Variants in UNKL observed in about 807,000 individuals in gnomAD.
UNKL encodes the protein unk like zinc finger.
A neutral mutation model predicts 78.0 loss-of-function variants in UNKL; 60 were observed. That is an observed-to-expected ratio of 0.77 (90% confidence interval 0.63 to 0.95). The LOEUF is 0.95. UNKL is among the 40% of genes least tolerant of loss of function. UNKL has a pLI of 0.00. For missense variants in UNKL, 1,159 were observed against 1,045.7 expected, an observed-to-expected ratio of 1.11 and a Z score of -1.49; for synonymous variants, 608 against 474.8, an observed-to-expected ratio of 1.28 and a Z score of -3.65.
At chr16:1,393,305 G>C (rs2037126537) in intron 7 of UNKL, among the ~76,000 whole-genome samples, 1 of 152,198 alleles carries the variant, frequency 6.6e-6, no homozygotes, top group Admixed American at 6.5e-5. Flanking sequence ...TCCTAGGGCT[G>C]GGAGGAGGAG....
At chr16:1,370,941 G>C (rs533264728) in intron 11 of UNKL, among the ~76,000 whole-genome samples, 1 of 152,164 alleles carries the variant, frequency 6.6e-6, no homozygotes, top group East Asian at 1.9e-4. Context: ...AAATTAGCTG[G>C]GCGTGGTGGC....
chr16:1,383,642 T>C (rs1027352328), intron 10 of UNKL: 7 of 415,984 alleles, frequency 1.7e-5, no homozygotes, highest in Non-Finnish European at 3.5e-5. Context: ...TGCTGGGGGC[T>C]TGCAGCTGGG....
chr16:1,370,468 T>A, intron 11 of UNKL, 111 bp from the exon 12 acceptor site: 14 of 1,436,528 alleles, frequency 9.7e-6, no homozygotes, highest in East Asian at 2.6e-5. Flanking sequence ...GTGGTGGGGA[T>A]ATGGGGGGTG....
intron 8 of UNKL, among the ~76,000 whole-genome samples, chr16:1,392,328 GGA>G (rs2037081332): frequency 6.6e-6 from 1 of 152,298 alleles, no homozygotes; most frequent in African/African-American, 2.4e-5. Flanking sequence ...CACACCAGGA[GGA>G]GAGACTGCAG....
In UNKL at chr16:1,371,775, C is replaced by T. The variant is rs78940536; in HGVS notation, c.1265-164G>A. On this transcript the variant is annotated intron_variant, in intron 10 of 14. Transcript: ENST00000389221. ...GGGAAGGACACCCCCAGCCCGTCCT[C>T]GCAGCCCCCCACAGGCAGTGTGAGG... Among the ~76,000 whole-genome samples, 33 of 152,308 alleles carry T rather than the reference C, an allele frequency of 2.2e-4. No individual in the cohort carries two copies. The East Asian group carries it at 5.8e-3, about 27-fold the overall frequency.
rs911659759 is a variant in UNKL, at chr16:1,398,361, C to A, written c.734+1013G>T. 8.8e-6 allele frequency: 9 copies of A among 1,022,486 alleles called. No homozygotes were observed. The Admixed American group carries it at 4.6e-4, about 52-fold the overall frequency. 63.3% of individuals were successfully genotyped at this position (1,022,486 alleles called of 1,614,324 possible). A position where few individuals can be genotyped will look rare whatever the true frequency, so the allele number is the denominator to read the frequency against. ...TTGTATTTATGGGACACATTAAGTG[C>A]CTGTTGAAAAAATAATTTTTATTTT... On this transcript the variant is annotated intron_variant, in intron 5 of 14. Coordinates refer to ENST00000389221, the MANE Select transcript of UNKL (RefSeq NM_001372107.1).
Position 1,394,197 on chromosome 16 carries a change from A to G in UNKL, c.871T>C (p.Cys291Arg). 6.4e-7 allele frequency: 1 copy of G among 1,550,738 alleles called. No individual in the cohort carries two copies. The highest frequency in any genetic ancestry group is 8.7e-7 in the Non-Finnish European group (1 of 1,147,020). Residue 291 changes from cysteine to arginine, a missense_variant, in exon 7 of 15, where the codon TGC (cysteine) becomes CGC (arginine). Cys to Arg is a radical substitution (Grantham distance 180). Transcript: ENST00000389221. ...FHPEIYKSTK[C>R]NDMRQTGYCP... ...TACCCGGTTTGGCGCATGTCGTTGC[A>G]TTTTGTAGATTTGTAGATCTGGGGA...
At position 1,370,141 on chromosome 16, in the gene UNKL, T is replaced by TAGGATGAGGCTGC. The variant is rs1297452358; in HGVS notation, c.1561_1573dup (p.Tyr525CysfsTer49). 1.3e-6 allele frequency: 2 copies of TAGGATGAGGCTGC among 1,523,488 alleles called. No homozygotes were observed. The highest frequency in any genetic ancestry group is 1.8e-6 in the Non-Finnish European group (2 of 1,131,112). The allele number at this position is 1,523,488 out of a possible 1,614,324, so 94.4% of individuals were successfully genotyped here. On this transcript the variant is annotated frameshift_variant, in exon 12 of 15. Transcript: ENST00000389221. LOFTEE classifies it high-confidence loss of function. ...GAGCCGGCACTCACCTAGGGGGCTGTAGGATGAGGCTGCAGAGCCCAGTGT... is the reference window on the plus strand; with the variant it reads ...GAGCCGGCACTCACCTAGGGGGCTGTAGGATGAGGCTGCAGGATGAGGCTGCAGAGCCCAGTGT...
chr16:1,390,589 C>T (rs1460385872), intron 9 of UNKL, 43 bp downstream of exon 9: 10 of 1,533,068 alleles, frequency 6.5e-6, no homozygotes, highest in East Asian at 4.9e-5. Flanking sequence ...TCAGCCCTAA[C>T]GCGACATCAG....
Position 1,399,503 on chromosome 16 carries a change from T to C in UNKL, c.605A>G (p.Asn202Ser), listed in dbSNP as rs776799998. The C allele has an allele frequency of 1.9e-6, 3 of 1,596,664 alleles. No homozygotes were observed. The highest frequency in any genetic ancestry group is 1.7e-6 in the Non-Finnish European group (2 of 1,172,658). ...CGTCTTGTAGCTGCCCAGCACGAAG[T>C]TGGCATCTGAAAAATGGGCCACACG... ...LSEDPRWQDA[N>S]FVLGSYKTEQ... is the part of the protein sequence containing the mutation. The change falls in exon 5 of 15, where the codon AAC (asparagine) becomes AGC (serine). Residue 202 changes from asparagine to serine, a missense_variant. Coordinates refer to ENST00000389221, the MANE Select transcript of UNKL (RefSeq NM_001372107.1). The surrounding 1 kb of genome is among the most constrained non-coding windows in gnomAD (Gnocchi z 5.8).
At chr16:1,395,390 T>C (rs1013206275) in intron 6 of UNKL, among the ~76,000 whole-genome samples, 11 of 152,168 alleles carry the variant, frequency 7.2e-5, no homozygotes, top group African/African-American at 2.7e-4. Flanking sequence ...GGTCTCGAAC[T>C]CCTGACCTCA....
Position 1,367,738 on chromosome 16 carries a change from T to A in UNKL, c.1706A>T (p.Glu569Val). The A allele has an allele frequency of 6.3e-7, 1 of 1,577,162 alleles. No individual in the cohort carries two copies. Among genetic ancestry groups the A allele is most frequent in the African/African-American group, 1.4e-5 (1 of 74,014 alleles). Residue 569 changes from glutamate to valine, a missense_variant, in exon 13 of 15, where the codon GAG becomes GTG. By Grantham distance (121) the Glu-to-Val change is moderately radical. Coordinates refer to ENST00000389221, the MANE Select transcript of UNKL (RefSeq NM_001372107.1). ...SSSSASPNGA[E>V]LARVRRQLDE... ...CAGCTGCCGCCTGACCCGGGCCAGC[T>A]CAGCTCCGTTTGGACTTGCACTCGA...
intron 12 of UNKL, among the ~76,000 whole-genome samples, chr16:1,369,086 A>T (rs11648851): frequency 1.7e-5 from 2 of 117,020 alleles, no homozygotes; most frequent in Non-Finnish European, 1.7e-5. Context: ...TTTTTTTTGA[A>T]ATGGAGTCTA....
chr16:1,368,169 G>C, intron 12 of UNKL: 1 of 432,740 alleles, frequency 2.3e-6, no homozygotes, highest in South Asian at 3.0e-5. Context: ...GAGGTGGGAG[G>C]GGCAGTGGTT....
rs186927791 is a variant in UNKL at position 1,403,546 on chromosome 16, C to T, written c.288-202G>A. Among the ~76,000 whole-genome samples, 7 of 152,260 alleles carry T rather than the reference C, an allele frequency of 4.6e-5. No homozygotes were observed. Among genetic ancestry groups the T allele is most frequent in the African/African-American group, 1.2e-4 (5 of 41,536 alleles). ...GGAACCGCCCAGGTACACAGACCACCGCAAACCCCCAGTCAACCAGTCAAA... is the reference window on the plus strand; with the variant it reads ...GGAACCGCCCAGGTACACAGACCACTGCAAACCCCCAGTCAACCAGTCAAA... On this transcript the variant is annotated intron_variant, in intron 2 of 14. Transcript: ENST00000389221. The surrounding 1 kb of genome is among the most constrained non-coding windows in gnomAD (Gnocchi z 4.8).
chr16:1,410,759 C>G (rs1289545139), intron 2 of UNKL, among the ~76,000 whole-genome samples: 1 of 152,222 alleles, frequency 6.6e-6, no homozygotes, highest in Non-Finnish European at 1.5e-5. Flanking sequence ...CAAGGGAAAT[C>G]AGGGGCTGAG....
At chr16:1,402,032 G>A (rs1405325471) in intron 3 of UNKL, among the ~76,000 whole-genome samples, 1 of 152,224 alleles carries the variant, frequency 6.6e-6, no homozygotes, top group Non-Finnish European at 1.5e-5. Context: ...CAGAGCACTG[G>A]GATTACATGT....
chr16:1,390,775 G>T, intron 8 of UNKL, 81 bp from the exon 9 acceptor site: 1 of 1,466,588 alleles, frequency 6.8e-7, no homozygotes, highest in Non-Finnish European at 9.2e-7. Flanking sequence ...GCTGGGCACA[G>T]TGGCAGCACT....
At chr16:1,393,502 C>A (rs1264680255) in intron 7 of UNKL, among the ~76,000 whole-genome samples, 1 of 151,976 alleles carries the variant, frequency 6.6e-6, no homozygotes, top group East Asian at 1.9e-4. Flanking sequence ...GAAGGAAACC[C>A]ACTGCAGCGT....
Sources: gnomAD v4.1 joint callset for allele counts (sites outside exome capture counted in the v4.1 genomes callset) on GRCh38, gnomAD v4.1.1 for gene constraint, Gnocchi (gnomAD v3.1) non-coding constraint, MANE v1.5 for transcripts, NCBI Gene and HGNC (gene_info 2026-07-23, HGNC 2026-07-21) for gene names.